BAZ2B: variants seen among roughly 807,000 people sequenced by gnomAD.
The protein encoded by BAZ2B is bromodomain adjacent to zinc finger domain protein 2B.
In BAZ2B, 91 loss-of-function variants were observed where a neutral mutation model predicts 246.0. The ratio of observed to expected loss-of-function variants is 0.37; its 90% CI spans 0.31 to 0.44. BAZ2B has a LOEUF of 0.44. Ranked by LOEUF, BAZ2B falls within the 20% of genes least tolerant of loss-of-function variation. BAZ2B has a pLI of 1.00. For missense variants in BAZ2B, 2,332 were observed against 2,533.7 expected, an observed-to-expected ratio of 0.92 and a Z score of 1.71; for synonymous variants, 855 against 860.0, an observed-to-expected ratio of 0.99 and a Z score of 0.10.
intron 2 of BAZ2B, among the ~76,000 whole-genome samples, chr2:159,526,650 C>A (rs1029618342): frequency 6.6e-5 from 10 of 151,940 alleles, no homozygotes; most frequent in African/African-American, 2.2e-4. Context: ...CATGCCAGGA[C>A]AATCCTTTGG....
chr2:159,389,315 A>C (rs777608197), intron 21 of BAZ2B, 30 bp downstream of exon 21: 1 of 1,531,922 alleles, frequency 6.5e-7, no homozygotes, highest in African/African-American at 1.4e-5. Flanking sequence ...AAACTTATGA[A>C]TGAAATGGTG....
At chr2:159,469,323 C>T (rs1482090781) in intron 3 of BAZ2B, among the ~76,000 whole-genome samples, 1 of 152,144 alleles carries the variant, frequency 6.6e-6, no homozygotes, top group Non-Finnish European at 1.5e-5. Flanking sequence ...TGGGCCCATA[C>T]ATTTAATGAT....
chr2:159,646,594 A>T, the BAZ2B span, among the ~76,000 whole-genome samples: 21 of 152,188 alleles, frequency 1.4e-4, no homozygotes, highest in Admixed American at 3.3e-4. Context: ...AGACAGGTGT[A>T]AGAAATTATA....
chr2:159,556,691 G>A (rs960333115), intron 1 of BAZ2B, among the ~76,000 whole-genome samples: 1 of 152,010 alleles, frequency 6.6e-6, no homozygotes, highest in Non-Finnish European at 1.5e-5. Context: ...CAAACTCCTG[G>A]CCTCAAGTGA....
At chr2:159,461,023 T>C (rs572210261) in intron 3 of BAZ2B, 1 of 152,688 alleles carries the variant, frequency 6.5e-6, no homozygotes, top group South Asian at 2.1e-4. Flanking sequence ...ATAATACAAA[T>C]ATATTTTATT....
At position 159,385,365 on chromosome 2, in the gene BAZ2B, T is replaced by G. The variant is rs1576388142; in HGVS notation, c.3476A>C (p.Lys1159Thr). 4.3e-6 allele frequency: 7 copies of G among 1,611,784 alleles called. No individual in the cohort carries two copies. The East Asian group carries it at 1.6e-4, about 36-fold the overall frequency. ...CAGCAAATGTTCTCCAAGAGCTGTT[T>G]TAGCCTATAAAAGTTTGGCATTTTT... ...DPGLITGYKA[K>T]TALGEHLLNV... Residue 1159 changes from lysine (K) to threonine (T), a missense_variant, in exon 23 of 37, where the codon AAA becomes ACA. By Grantham distance (78) the Lys-to-Thr change is moderately conservative (BLOSUM62 -1). This residue lies in a region of BAZ2B where 328 missense variants were observed against 410.4 expected (regional missense o/e 0.80). Coordinates refer to ENST00000392783, the MANE Select transcript of BAZ2B (RefSeq NM_013450.4).
chr2:159,644,933 A>G, the BAZ2B span, among the ~76,000 whole-genome samples: 1 of 152,230 alleles, frequency 6.6e-6, no homozygotes. Flanking sequence ...ATATTTTACT[A>G]TAAGTAGTAA....
At chr2:159,515,546 C>T (rs1364564178) in intron 2 of BAZ2B, among the ~76,000 whole-genome samples, 1 of 152,040 alleles carries the variant, frequency 6.6e-6, no homozygotes, top group Non-Finnish European at 1.5e-5. Context: ...AGTCAGTTCT[C>T]CATTTTATAA....
intron 1 of BAZ2B, among the ~76,000 whole-genome samples, chr2:159,572,320 G>A (rs1268104752): frequency 2.0e-5 from 3 of 152,190 alleles, no homozygotes; most frequent in Non-Finnish European, 4.4e-5. Flanking sequence ...CCTCTGATTA[G>A]TTTCAGCCTG....
Position 159,585,939 on chromosome 2 carries a change from T to C in BAZ2B, c.-45-30074A>G, listed in dbSNP as rs184417533. 7.9e-5 allele frequency among the ~76,000 whole-genome samples: 12 copies of C among 152,384 alleles called. No individual in the cohort carries two copies. The East Asian group carries it at 2.3e-3, about 29-fold the overall frequency. On this transcript the variant is annotated intron_variant, in intron 1 of 36. Transcript: ENST00000392783. ...TATTGGCTTAAATAAATGACTTTTT[T>C]CTTTACATGTCTACTTATGCCAAAT... is the stretch of plus-strand genomic sequence containing the variant.
At chr2:159,504,592 C>T (rs2082146862) in intron 2 of BAZ2B, among the ~76,000 whole-genome samples, 1 of 152,144 alleles carries the variant, frequency 6.6e-6, no homozygotes, top group Non-Finnish European at 1.5e-5. Context: ...TTCTCAAATT[C>T]ACTAAAGGCA....
At chr2:159,676,429 A>G in the BAZ2B span, among the ~76,000 whole-genome samples, 1 of 152,156 alleles carries the variant, frequency 6.6e-6, no homozygotes, top group African/African-American at 2.4e-5. Flanking sequence ...ATATGCACAC[A>G]CCACTATTCA....
intron 33 of BAZ2B, 91 bp downstream of exon 33, chr2:159,336,851 A>G (rs2065758893): frequency 8.9e-7 from 1 of 1,124,642 alleles, no homozygotes; most frequent in East Asian, 2.7e-5. Flanking sequence ...TATTATGACA[A>G]TAGGTAATGT....
the BAZ2B span, among the ~76,000 whole-genome samples, chr2:159,675,549 C>T: frequency 6.6e-6 from 1 of 152,076 alleles, no homozygotes; most frequent in Admixed American, 6.5e-5. Context: ...TGAAGAAATA[C>T]TAAAAAACGG....
intron 28 of BAZ2B, 86 bp downstream of exon 28, chr2:159,349,622 G>C: frequency 7.4e-7 from 1 of 1,353,114 alleles, no homozygotes; most frequent in East Asian, 2.5e-5. Flanking sequence ...TTAACTATCT[G>C]AGTGAGCCCC....
intron 19 of BAZ2B, chr2:159,397,037 T>G (rs921582572): frequency 7.5e-7 from 1 of 1,338,402 alleles, no homozygotes; most frequent in African/African-American, 1.5e-5. Context: ...CAAATCACAA[T>G]GCGGTGTTAG....
downstream of BAZ2B, among the ~76,000 whole-genome samples, chr2:159,316,689 C>CA (rs765748671): frequency 0.023 from 828 of 36,252 alleles, 101 homozygotes; most frequent in African/African-American, 0.046. Context: ...GACTCCATCT[C>CA]AAAAAAAAAA....
chr2:159,498,157 G>C (rs913459207), intron 2 of BAZ2B, among the ~76,000 whole-genome samples: 4 of 152,102 alleles, frequency 2.6e-5, no homozygotes, highest in Non-Finnish European at 5.9e-5. Flanking sequence ...TTACTTCAAA[G>C]AGTTATAAAG....
At chr2:159,659,114 T>C in the BAZ2B span, among the ~76,000 whole-genome samples, 1 of 152,202 alleles carries the variant, frequency 6.6e-6, no homozygotes, top group Non-Finnish European at 1.5e-5. Context: ...TGGAAGAGAT[T>C]GTAGAGAATT....
Sources: allele counts gnomAD v4.1 joint callset (sites outside exome capture counted in the v4.1 genomes callset), GRCh38; gene constraint gnomAD v4.1.1; regional missense constraint gnomAD v4.1.1; transcripts MANE v1.5; gene names NCBI Gene and HGNC (gene_info 2026-07-23, HGNC 2026-07-21).